CTIF: variants seen among roughly 807,000 people sequenced by gnomAD.
The protein encoded by CTIF is CBP80/20-dependent translation initiation factor.
CTIF carries 21 observed loss-of-function variants against 66.0 expected under a neutral mutation model. The observed-to-expected ratio is 0.32, with a 90% CI of 0.23 to 0.46. The LOEUF is 0.46. Ranked by LOEUF, CTIF falls within the 20% of genes least tolerant of loss-of-function variation. CTIF has a pLI of 1.00. For synonymous variants in CTIF, 345 were observed against 326.4 expected, an observed-to-expected ratio of 1.06 and a Z score of -0.62; for missense variants, 739 against 812.7, an observed-to-expected ratio of 0.91 and a Z score of 1.10.
intron 6 of CTIF, among the ~76,000 whole-genome samples, chr18:48,705,563 C>A (rs1314053253): frequency 2.0e-5 from 3 of 152,246 alleles, no homozygotes; most frequent in Non-Finnish European, 4.4e-5. Context: ...CACAATTCTA[C>A]CTCCTGCGGA....
At chr18:48,656,707 A>T (rs9646523) in intron 3 of CTIF, among the ~76,000 whole-genome samples, 1 of 151,994 alleles carries the variant, frequency 6.6e-6, no homozygotes, top group Admixed American at 6.5e-5. Flanking sequence ...AGGGGCTGTC[A>T]CGAAGGATTC....
chr18:48,816,552 G>GT (rs907005582), intron 9 of CTIF, among the ~76,000 whole-genome samples: 2 of 152,128 alleles, frequency 1.3e-5, no homozygotes, highest in Admixed American at 6.5e-5. Context: ...CAGCTCCTTG[G>GT]TTTTTTATAC....
chr18:48,815,990 C>T (rs889700476), intron 9 of CTIF, among the ~76,000 whole-genome samples: 3 of 152,196 alleles, frequency 2.0e-5, no homozygotes, highest in Non-Finnish European at 4.4e-5. Context: ...TTGTGTCACT[C>T]CTGTATTGGT....
intron 1 of CTIF, among the ~76,000 whole-genome samples, chr18:48,614,841 ATTTG>A (rs1360967696): frequency 7.2e-5 from 11 of 151,956 alleles, no homozygotes; most frequent in South Asian, 2.1e-4. Context: ...TAAGGTTTTG[ATTTG>A]TTTGTTTTGT....
At chr18:48,670,634 A>G in intron 5 of CTIF, 35 bp from the exon 6 acceptor site, 2 of 1,594,710 alleles carry the variant, frequency 1.3e-6, no homozygotes, top group South Asian at 1.1e-5. Context: ...TGAATGAGCC[A>G]TCTTTCCAAT....
Position 48,760,637 on chromosome 18 carries a change from A to C in CTIF, c.1072-753A>C, listed in dbSNP as rs1310399510. ...AGTTAAGTTGTTCCCATTCTTGGCCACCAAGAATGAGTCAATACAATAAGA... is the reference window on the plus strand; with the variant it reads ...AGTTAAGTTGTTCCCATTCTTGGCCCCCAAGAATGAGTCAATACAATAAGA... On this transcript the variant is annotated intron_variant, in intron 8 of 11. Coordinates refer to ENST00000256413, the MANE Select transcript of CTIF (RefSeq NM_014772.3). 7 of 152,162 alleles carry C rather than the reference A, an allele frequency of 4.6e-5. No homozygotes were observed. The South Asian group carries it at 1.0e-3, about 23-fold the overall frequency. The allele number at this position is 152,162 out of a possible 1,614,324, so 9.4% of individuals were successfully genotyped here.
chr18:48,757,278 T>A (rs1341512579), intron 7 of CTIF, among the ~76,000 whole-genome samples: 1 of 152,022 alleles, frequency 6.6e-6, no homozygotes. Context: ...GTATTGGGGG[T>A]TAAGGCTTCA....
chr18:48,785,910 G>A (rs1427818303), intron 9 of CTIF, among the ~76,000 whole-genome samples: 1 of 152,114 alleles, frequency 6.6e-6, no homozygotes, highest in Non-Finnish European at 1.5e-5. Context: ...AGCCACAGCT[G>A]AGAACCACTG....
intron 1 of CTIF, among the ~76,000 whole-genome samples, chr18:48,593,148 G>C (rs1039264036): frequency 1.3e-5 from 2 of 152,198 alleles, no homozygotes; most frequent in African/African-American, 4.8e-5. Context: ...AAGCTCAGGC[G>C]GAGATTCCCT....
chr18:48,655,328 A>G (rs912240070), intron 3 of CTIF, among the ~76,000 whole-genome samples: 3 of 151,292 alleles, frequency 2.0e-5, no homozygotes, highest in Admixed American at 2.0e-4. Flanking sequence ...AAAGAAGAAT[A>G]AAAAAAGCCG....
At chr18:48,845,880 T>G (rs568585975) in intron 10 of CTIF, among the ~76,000 whole-genome samples, 2 of 152,266 alleles carry the variant, frequency 1.3e-5, no homozygotes, top group South Asian at 2.1e-4. Flanking sequence ...TCTTAACATA[T>G]TCTGCCTCTT....
At chr18:48,789,364 G>A (rs2067743314) in intron 9 of CTIF, among the ~76,000 whole-genome samples, 1 of 151,910 alleles carries the variant, frequency 6.6e-6, no homozygotes, top group South Asian at 2.1e-4. Flanking sequence ...GATTGGGTTG[G>A]ATTGCTGGGG....
At chr18:48,581,925 C>A (rs1488388707) in intron 1 of CTIF, among the ~76,000 whole-genome samples, 1 of 151,988 alleles carries the variant, frequency 6.6e-6, no homozygotes, top group Non-Finnish European at 1.5e-5. Context: ...TCATATGGGC[C>A]AAAGCGGGGC....
intron 1 of CTIF, among the ~76,000 whole-genome samples, chr18:48,587,610 G>A (rs2089800427): frequency 6.6e-6 from 1 of 152,148 alleles, no homozygotes; most frequent in Non-Finnish European, 1.5e-5. Flanking sequence ...GCATGACTGT[G>A]GGCAAGCCAG....
chr18:48,595,892 C>A (rs1460634406), intron 1 of CTIF, among the ~76,000 whole-genome samples: 2 of 152,168 alleles, frequency 1.3e-5, no homozygotes, highest in African/African-American at 2.4e-5. Context: ...CAGTTCCTTG[C>A]AGCCTGTTGG....
rs190935918 is a variant in CTIF, at chr18:48,726,263, G to A, written c.584+14568G>A. On this transcript the variant is annotated intron_variant, in intron 7 of 11. Transcript: ENST00000256413. ...TAATCATCATTTCCAATGATAATTTGCTGGAAATGGAGCTTGGCTTGGACG... is the reference window on the plus strand; with the variant it reads ...TAATCATCATTTCCAATGATAATTTACTGGAAATGGAGCTTGGCTTGGACG... Among the ~76,000 whole-genome samples the A allele has an allele frequency of 2.7e-4, 41 of 152,300 alleles. No homozygotes were observed. In the East Asian group the frequency reaches 7.3e-3, roughly 27 times the overall value.
intron 1 of CTIF, among the ~76,000 whole-genome samples, chr18:48,570,987 C>T (rs2089403404): frequency 1.3e-5 from 2 of 152,106 alleles, no homozygotes; most frequent in South Asian, 2.1e-4. Flanking sequence ...GTACTAAATG[C>T]CAGTGGATTG....
chr18:48,780,731 C>T (rs1911128325), intron 9 of CTIF, among the ~76,000 whole-genome samples: 1 of 152,246 alleles, frequency 6.6e-6, no homozygotes, highest in Non-Finnish European at 1.5e-5. Flanking sequence ...ACACAAGAGG[C>T]AGCGTGCTGG....
At position 48,761,221 on chromosome 18, in the gene CTIF, G is replaced by A. The variant is rs1427089789; in HGVS notation, c.1072-169G>A. ...AGAAAAAAGGCAACAAGGAGCTTTT[G>A]GCGCATGAGGGGTCTTTGGTGGAGG... is the stretch of plus-strand genomic sequence containing the variant. On this transcript the variant is annotated intron_variant, in intron 8 of 11. Transcript: ENST00000256413. This position sits in a 1 kb window ranked among gnomAD's most constrained non-coding sequence, Gnocchi z 4.2. 1 of 613,988 alleles carries A rather than the reference G, an allele frequency of 1.6e-6. No homozygotes were observed. The allele number at this position is 613,988 out of a possible 1,614,324, so 38.0% of individuals were successfully genotyped here.
Sources: gnomAD v4.1 joint callset for allele counts (sites outside exome capture counted in the v4.1 genomes callset) on GRCh38, gnomAD v4.1.1 for gene constraint, Gnocchi (gnomAD v3.1) non-coding constraint, MANE v1.5 for transcripts, NCBI Gene and HGNC (gene_info 2026-07-23, HGNC 2026-07-21) for gene names.